Variants in SMCO4 observed in about 807,000 individuals in gnomAD.
SMCO4 encodes the protein single-pass membrane and coiled-coil domain-containing protein 4.
Under a neutral mutation model 3.6 loss-of-function variants are expected in SMCO4, and 4 were observed. The observed-to-expected ratio is 1.11, with a 90% CI of 0.54 to 2.53. SMCO4 has a LOEUF of 2.53. SMCO4 is among the 30% of genes most tolerant of loss of function. The pLI, the probability that SMCO4 is intolerant of heterozygous loss-of-function variation, is 0.02. For synonymous variants in SMCO4, 36 were observed against 35.3 expected (o/e 1.02, Z -0.07); for missense variants, 70 against 80.8 (o/e 0.87, Z 0.51).
intron 1 of SMCO4, among the ~76,000 whole-genome samples, chr11:93,534,633 T>G (rs1949201843): frequency 6.6e-6 from 1 of 152,140 alleles, no homozygotes; most frequent in Admixed American, 6.5e-5. Context: ...CTGGGTCCAG[T>G]GTGGCTCAAC....
intron 1 of SMCO4, among the ~76,000 whole-genome samples, chr11:93,542,927 C>T (rs1238194689): frequency 5.9e-5 from 9 of 152,176 alleles, no homozygotes; most frequent in Non-Finnish European, 1.2e-4. Flanking sequence ...CCCCCGGCCC[C>T]TGAGTCCGCC....
upstream of SMCO4, among the ~76,000 whole-genome samples, chr11:93,543,769 A>G (rs530828511): frequency 9.2e-5 from 14 of 152,352 alleles, no homozygotes; most frequent in African/African-American, 3.4e-4. Context: ...TCTCTCCTCC[A>G]GGGCAAGGTT....
At chr11:93,512,893 CCTAA>C (rs547109586) in intron 1 of SMCO4, among the ~76,000 whole-genome samples, 9 of 152,068 alleles carry the variant, frequency 5.9e-5, no homozygotes, top group East Asian at 1.9e-4. Flanking sequence ...CATGAAGGGG[CCTAA>C]CTAAGTCTGA....
At chr11:93,485,292 C>A (rs964165474) in intron 2 of SMCO4, among the ~76,000 whole-genome samples, 52 of 152,312 alleles carry the variant, frequency 3.4e-4, no homozygotes, top group Admixed American at 3.4e-3. Context: ...GCCTTCACAG[C>A]CCAGCCCCAT....
At chr11:93,533,311 AATAGAAGAACATGC>A (rs1213676637) in intron 1 of SMCO4, among the ~76,000 whole-genome samples, 3 of 152,198 alleles carry the variant, frequency 2.0e-5, no homozygotes, top group African/African-American at 7.2e-5. Flanking sequence ...GCACTGTAGG[AATAGAAGAACATGC>A]ATATCTCAAC....
At chr11:93,529,933 G>C (rs1261527901) in intron 1 of SMCO4, among the ~76,000 whole-genome samples, 1 of 152,168 alleles carries the variant, frequency 6.6e-6, no homozygotes, top group Non-Finnish European at 1.5e-5. Context: ...GAGGGCCCTG[G>C]GCCCACGTAC....
At chr11:93,546,124 C>T (rs995174428), upstream of SMCO4, among the ~76,000 whole-genome samples, 6 of 152,224 alleles carry the variant, frequency 3.9e-5, no homozygotes, top group Non-Finnish European at 5.9e-5. Flanking sequence ...AACTGACACA[C>T]AGATCACTCA....
At chr11:93,539,843 C>T (rs1012524628) in intron 1 of SMCO4, among the ~76,000 whole-genome samples, 1 of 152,012 alleles carries the variant, frequency 6.6e-6, no homozygotes, top group Non-Finnish European at 1.5e-5. Context: ...TAGCTTTGAC[C>T]GTCAGCCAGC....
chr11:93,533,877 T>G (rs571063397), intron 1 of SMCO4, among the ~76,000 whole-genome samples: 1 of 152,302 alleles, frequency 6.6e-6, no homozygotes, highest in Admixed American at 6.5e-5. Flanking sequence ...AAATATGATA[T>G]GTAGTCACTC....
chr11:93,530,864 T>A (rs1222140070), intron 1 of SMCO4, among the ~76,000 whole-genome samples: 1 of 152,178 alleles, frequency 6.6e-6, no homozygotes, highest in Non-Finnish European at 1.5e-5. Context: ...GCTGCGGGAC[T>A]CTTCCACTTT....
intron 1 of SMCO4, chr11:93,535,506 T>C: frequency 7.2e-7 from 1 of 1,391,808 alleles, no homozygotes; most frequent in Non-Finnish European, 1.0e-6. Context: ...CTGACGGAGC[T>C]GACCAGACTT....
rs80217712 is a variant in SMCO4 at position 93,479,291 on chromosome 11, T to C, written c.-80-22A>G. ...CCTCCTGTAGAGAGAACAACTGTGA[T>C]AGTAGAGAATAAACCAAATAGAAGA... is the stretch of plus-strand genomic sequence containing the variant. On this transcript the variant is annotated intron_variant, in intron 2 of 2. Transcript: ENST00000298966. The C allele has an allele frequency of 0.08, 118,980 of 1,482,402 alleles. 5,416 individuals carry two copies. Among genetic ancestry groups the C allele is most frequent in the Non-Finnish European group, 0.093 (103,315 of 1,116,900 alleles). The allele number at this position is 1,482,402 out of a possible 1,614,324, so 91.8% of individuals were successfully genotyped here.
intron 1 of SMCO4, among the ~76,000 whole-genome samples, chr11:93,513,942 AATTAG>A (rs1469078501): frequency 6.6e-6 from 1 of 152,144 alleles, no homozygotes; most frequent in Non-Finnish European, 1.5e-5. Flanking sequence ...AATCACATTT[AATTAG>A]AGTCCATTTG....
chr11:93,534,465 T>C (rs1204706084), intron 1 of SMCO4, among the ~76,000 whole-genome samples: 1 of 151,498 alleles, frequency 6.6e-6, no homozygotes, highest in African/African-American at 2.4e-5. Flanking sequence ...ACTAATTAGG[T>C]AATATGCTGA....
At position 93,514,374 on chromosome 11, in the gene SMCO4, C is replaced by CTATATATA. The variant is rs148462986; in HGVS notation, c.-153-15034_-153-15027dup. On this transcript the variant is annotated intron_variant, in intron 1 of 2. Transcript: ENST00000298966. ...AAAGGAAAAATAAAACAGGATGAGGCTATATATATATATATATATATATAT... is the reference window on the plus strand; with the variant it reads ...AAAGGAAAAATAAAACAGGATGAGGCTATATATATATATATATATATATATATATATAT... Among the ~76,000 whole-genome samples, 191 of 38,950 alleles carry CTATATATA rather than the reference C, an allele frequency of 4.9e-3. 4 individuals carry two copies. Among genetic ancestry groups the CTATATATA allele is most frequent in the Non-Finnish European group, 9.3e-3 (144 of 15,520 alleles). The allele number at this position is 38,950 out of a possible 152,430, so 25.6% of individuals were successfully genotyped here.
chr11:93,530,498 A>C (rs1949152120), intron 1 of SMCO4, among the ~76,000 whole-genome samples: 1 of 152,196 alleles, frequency 6.6e-6, no homozygotes, highest in African/African-American at 2.4e-5. Context: ...GCTCAGCTAC[A>C]TCCATCTGAA....
At chr11:93,520,388 T>C (rs1007022071) in intron 1 of SMCO4, among the ~76,000 whole-genome samples, 1 of 152,164 alleles carries the variant, frequency 6.6e-6, no homozygotes, top group Non-Finnish European at 1.5e-5. Context: ...CGTTTAATCC[T>C]CTCAACAACT....
intron 1 of SMCO4, among the ~76,000 whole-genome samples, chr11:93,520,888 T>C (rs1025162283): frequency 6.6e-6 from 1 of 152,246 alleles, no homozygotes; most frequent in Admixed American, 6.5e-5. Context: ...AAGTGCACAG[T>C]GGTGCTGCTA....
chr11:93,514,476 C>T (rs1353567384), intron 1 of SMCO4, among the ~76,000 whole-genome samples: 9 of 145,036 alleles, frequency 6.2e-5, no homozygotes, highest in Non-Finnish European at 1.2e-4. Flanking sequence ...GACATCAATT[C>T]CCTCGCTATA....
Sources: allele counts gnomAD v4.1 joint callset (sites outside exome capture counted in the v4.1 genomes callset), GRCh38; gene constraint gnomAD v4.1.1; transcripts MANE v1.5; gene names NCBI Gene and HGNC (gene_info 2026-07-23, HGNC 2026-07-21).